The following TRAF3 variants were observed in gnomAD, a reference collection of about 807,000 sequenced individuals.
The protein encoded by TRAF3 is TNF receptor-associated factor 3.
A neutral mutation model predicts 62.3 loss-of-function variants in TRAF3; 13 were observed. The ratio of observed to expected loss-of-function variants is 0.21; its 90% CI spans 0.14 to 0.33. TRAF3 has a LOEUF of 0.33. TRAF3 is among the 10% of genes least tolerant of loss of function. The pLI is 1.00. For missense variants in TRAF3, 440 were observed against 741.8 expected, an observed-to-expected ratio of 0.59 and a Z score of 4.73; for synonymous variants, 269 against 283.4, an observed-to-expected ratio of 0.95 and a Z score of 0.51.
chr14:102,866,527 ATT>A (rs1888002319), intron 2 of TRAF3, among the ~76,000 whole-genome samples: 1 of 152,162 alleles, frequency 6.6e-6, no homozygotes, highest in African/African-American at 2.4e-5. Flanking sequence ...CCAAATCAAT[ATT>A]ACGAGACAGG....
intron 2 of TRAF3, among the ~76,000 whole-genome samples, chr14:102,840,284 G>A (rs930893222): frequency 6.6e-6 from 1 of 152,196 alleles, no homozygotes; most frequent in Non-Finnish European, 1.5e-5. Context: ...GTGCAGTGGA[G>A]CAATCATAGC....
chr14:102,886,347 G>A lies in TRAF3; in HGVS notation c.651+78G>A, dbSNP rs542079016. ...CCTGGCTCCCCTTCCCTGCATAGCCGAAGCCTCACGTTTTCCCAGTTCGTG... is the reference window on the plus strand; with the variant it reads ...CCTGGCTCCCCTTCCCTGCATAGCCAAAGCCTCACGTTTTCCCAGTTCGTG... On this transcript the variant is annotated intron_variant, in intron 7 of 11. Coordinates refer to ENST00000392745, the MANE Select transcript of TRAF3 (RefSeq NM_145725.3). The A allele has an allele frequency of 2.8e-5, 35 of 1,267,838 alleles. 1 individual carries two copies. The South Asian group carries it at 3.9e-4, about 14-fold the overall frequency. 78.5% of individuals were successfully genotyped at this position (1,267,838 alleles called of 1,614,324 possible). A position where few individuals can be genotyped will look rare whatever the true frequency, so the allele number is the denominator to read the frequency against.
At chr14:102,867,440 T>C (rs1041493295) in intron 2 of TRAF3, among the ~76,000 whole-genome samples, 2 of 152,168 alleles carry the variant, frequency 1.3e-5, no homozygotes, top group Non-Finnish European at 2.9e-5. Context: ...AGAAACTTAG[T>C]TACATGCAGT....
At chr14:102,846,404 TAG>T (rs1886723811) in intron 2 of TRAF3, among the ~76,000 whole-genome samples, 1 of 152,134 alleles carries the variant, frequency 6.6e-6, no homozygotes, top group South Asian at 2.1e-4. Flanking sequence ...AGAATATATG[TAG>T]TATGATTTTG....
chr14:102,853,114 C>T (rs1269625483), intron 2 of TRAF3, among the ~76,000 whole-genome samples: 1 of 152,104 alleles, frequency 6.6e-6, no homozygotes, highest in Non-Finnish European at 1.5e-5. Context: ...GTTGGCCAGG[C>T]TGGTCTTGAA....
At chr14:102,814,491 G>A (rs1198036547) in intron 1 of TRAF3, among the ~76,000 whole-genome samples, 1 of 152,128 alleles carries the variant, frequency 6.6e-6, no homozygotes, top group African/African-American at 2.4e-5. Flanking sequence ...TTGGTATTTT[G>A]ATGGAGATTG....
intron 6 of TRAF3, among the ~76,000 whole-genome samples, chr14:102,883,594 C>CT (rs930202828): frequency 1.3e-5 from 2 of 149,908 alleles, no homozygotes; most frequent in Admixed American, 6.6e-5. Context: ...TTCTTTCTTT[C>CT]TTTTTTTTCG....
chr14:102,825,113 CT>C (rs1162044871), intron 1 of TRAF3, among the ~76,000 whole-genome samples: 1 of 152,230 alleles, frequency 6.6e-6, no homozygotes, highest in Non-Finnish European at 1.5e-5. Flanking sequence ...GCAGCATGCC[CT>C]TTCTGCTCTG....
chr14:102,865,346 T>C (rs1197115965), intron 2 of TRAF3, among the ~76,000 whole-genome samples: 1 of 152,224 alleles, frequency 6.6e-6, no homozygotes, highest in Non-Finnish European at 1.5e-5. Context: ...CCTTGAGCAA[T>C]GTCTGTCAAT....
intron 2 of TRAF3, among the ~76,000 whole-genome samples, chr14:102,832,502 C>A (rs572717256): frequency 6.6e-6 from 1 of 151,524 alleles, no homozygotes; most frequent in Non-Finnish European, 1.5e-5. Flanking sequence ...GGTAAAACCC[C>A]GTCTCTACTA....
chr14:102,811,823 C>G (rs1595311577), intron 1 of TRAF3, among the ~76,000 whole-genome samples: 1 of 145,464 alleles, frequency 6.9e-6, no homozygotes, highest in African/African-American at 2.5e-5. Context: ...TCATAACTTA[C>G]TGTAACCTTG....
chr14:102,870,072 G>GTGT, intron 2 of TRAF3, 113 bp from the exon 3 acceptor site: 2 of 1,273,662 alleles, frequency 1.6e-6, no homozygotes, highest in South Asian at 2.4e-5. Flanking sequence ...AAGGATTCTT[G>GTGT]TGTTGCCTAA....
intron 1 of TRAF3, among the ~76,000 whole-genome samples, chr14:102,813,202 TGACCTCAGATAATCCGCCC>T (rs1387881405): frequency 2.1e-4 from 9 of 43,210 alleles, no homozygotes; most frequent in Admixed American, 1.0e-3. Context: ...CTCGAACTCC[TGACCTCAGATAATCCGCCC>T]GCCTCAGCCT....
intron 1 of TRAF3, among the ~76,000 whole-genome samples, chr14:102,813,889 C>T (rs1899355383): frequency 6.6e-6 from 1 of 151,976 alleles, no homozygotes; most frequent in African/African-American, 2.4e-5. Flanking sequence ...CTATTGTTTC[C>T]TTTGTTTTGC....
chr14:102,881,123 C>T (rs1889031292), intron 6 of TRAF3, among the ~76,000 whole-genome samples: 1 of 152,136 alleles, frequency 6.6e-6, no homozygotes, highest in African/African-American at 2.4e-5. Context: ...TGACTCACAC[C>T]TCTAATCCCA....
chr14:102,787,857 CTT>C (rs1251817577), intron 1 of TRAF3, among the ~76,000 whole-genome samples: 8 of 120,678 alleles, frequency 6.6e-5, no homozygotes, highest in Admixed American at 2.5e-4. Flanking sequence ...TTTCCTTTTT[CTT>C]TTTTTTTTTT....
rs1889370749 is a variant in TRAF3 at position 102,886,156 on chromosome 14, G to A, written c.571-33G>A. The A allele has an allele frequency of 3.7e-6, 6 of 1,609,334 alleles. No individual in the cohort carries two copies. In the Middle Eastern group the frequency reaches 8.3e-4, roughly 221 times the overall value. On this transcript the variant is annotated intron_variant, in intron 6 of 11. Transcript: ENST00000392745. ...GGGACTGAAGGAAGACAGGTTGTGT[G>A]TTTAAAGTTGATAGTACTTTCTCTC...
At chr14:102,803,633 G>C (rs1280374424) in intron 1 of TRAF3, among the ~76,000 whole-genome samples, 1 of 151,284 alleles carries the variant, frequency 6.6e-6, no homozygotes, top group African/African-American at 2.4e-5. Flanking sequence ...CTGGACTCAA[G>C]CTCCTGGGCT....
Position 102,826,009 on chromosome 14 carries a change from C to T in TRAF3, c.-156-4325C>T, listed in dbSNP as rs1416685558. Among the ~76,000 whole-genome samples the T allele has an allele frequency of 6.6e-6, 1 of 152,220 alleles. No individual in the cohort carries two copies. The highest frequency in any genetic ancestry group is 1.5e-5 in the Non-Finnish European group (1 of 68,036). ...CTGTGGCCAAATGTGTTCATTCATT[C>T]ATATCTCACAGTAAGAGGGAAGGAT... is the stretch of plus-strand genomic sequence containing the variant. On this transcript the variant is annotated intron_variant, in intron 1 of 11. Transcript: ENST00000392745. This position sits in a 1 kb window ranked among gnomAD's most constrained non-coding sequence, Gnocchi z 4.6.
Sources: gnomAD v4.1 joint callset for allele counts (sites outside exome capture counted in the v4.1 genomes callset) on GRCh38, gnomAD v4.1.1 for gene constraint, Gnocchi (gnomAD v3.1) non-coding constraint, MANE v1.5 for transcripts, NCBI Gene and HGNC (gene_info 2026-07-23, HGNC 2026-07-21) for gene names.